Variants in NEK10 observed in about 807,000 individuals in gnomAD.
NEK10 encodes NIMA related kinase 10.
In NEK10, 122 loss-of-function variants were observed where a neutral mutation model predicts 159.8. The observed-to-expected ratio is 0.76, with a 90% CI of 0.66 to 0.89. The LOEUF is 0.89. Ranked by LOEUF, NEK10 falls within the 40% of genes least tolerant of loss-of-function variation. The pLI is 0.00. For synonymous variants in NEK10, 466 were observed against 457.1 expected, an observed-to-expected ratio of 1.02 and a Z score of -0.25; for missense variants, 1,342 against 1,323.1, an observed-to-expected ratio of 1.01 and a Z score of -0.22.
At chr3:27,282,368 C>A (rs1353029049) in intron 22 of NEK10, among the ~76,000 whole-genome samples, 5 of 151,224 alleles carry the variant, frequency 3.3e-5, no homozygotes, top group Non-Finnish European at 7.4e-5. Flanking sequence ...CAGGCTACTG[C>A]AATAAAAGAT....
intron 23 of NEK10, among the ~76,000 whole-genome samples, chr3:27,245,329 A>G (rs1235814508): frequency 1.3e-5 from 2 of 152,152 alleles, no homozygotes; most frequent in Non-Finnish European, 2.9e-5. Context: ...GCTTCCATCT[A>G]GAGATAAATG....
intron 23 of NEK10, among the ~76,000 whole-genome samples, chr3:27,222,744 CA>C (rs1271129285): frequency 7.0e-6 from 1 of 143,276 alleles, no homozygotes; most frequent in East Asian, 1.9e-4. Context: ...AAAATTGAAC[CA>C]GTATTAAAAT....
At chr3:27,367,823 C>A (rs915347155) in intron 1 of NEK10, among the ~76,000 whole-genome samples, 3 of 152,080 alleles carry the variant, frequency 2.0e-5, no homozygotes, top group African/African-American at 7.2e-5. Flanking sequence ...AAAGTCCATT[C>A]CAGGCAGTGT....
chr3:27,203,272 T>G (rs1305941856), intron 23 of NEK10, among the ~76,000 whole-genome samples: 1 of 152,106 alleles, frequency 6.6e-6, no homozygotes, highest in Non-Finnish European at 1.5e-5. Context: ...AGGTGTTAAT[T>G]TGGAAAAAAA....
intron 23 of NEK10, among the ~76,000 whole-genome samples, chr3:27,223,951 G>T (rs1952377191): frequency 6.6e-6 from 1 of 152,166 alleles, no homozygotes; most frequent in African/African-American, 2.4e-5. Flanking sequence ...GTTGGATTGT[G>T]TCCCCTGAAA....
chr3:27,154,887 C>G (rs1184914688), intron 30 of NEK10, among the ~76,000 whole-genome samples: 1 of 152,110 alleles, frequency 6.6e-6, no homozygotes, highest in African/African-American at 2.4e-5. Flanking sequence ...AGAACTGGAA[C>G]AAGACAAGGA....
At chr3:27,190,199 C>T (rs1432063633) in intron 26 of NEK10, among the ~76,000 whole-genome samples, 1 of 152,144 alleles carries the variant, frequency 6.6e-6, no homozygotes, top group Non-Finnish European at 1.5e-5. Flanking sequence ...GAGTATACAA[C>T]CTCTGGAACA....
At chr3:27,140,503 G>A (rs1031143745) in intron 31 of NEK10, among the ~76,000 whole-genome samples, 2 of 152,184 alleles carry the variant, frequency 1.3e-5, no homozygotes, top group African/African-American at 2.4e-5. Flanking sequence ...GATTCCTAGA[G>A]TCTTATCATG....
intron 26 of NEK10, among the ~76,000 whole-genome samples, chr3:27,179,019 C>T (rs1446053416): frequency 3.9e-5 from 6 of 152,178 alleles, no homozygotes; most frequent in African/African-American, 1.4e-4. Flanking sequence ...CATCCTGCCT[C>T]GGTCTTCTGA....
At chr3:27,278,287 T>C (rs1384450562) in intron 22 of NEK10, among the ~76,000 whole-genome samples, 1 of 152,216 alleles carries the variant, frequency 6.6e-6, no homozygotes, top group African/African-American at 2.4e-5. Flanking sequence ...TGTAACAGAA[T>C]TATAAGCTTC....
intron 23 of NEK10, among the ~76,000 whole-genome samples, chr3:27,222,429 AATGTAGTAAAAC>A (rs1215448963): frequency 2.0e-5 from 3 of 152,214 alleles, no homozygotes; most frequent in Non-Finnish European, 4.4e-5. Context: ...ATAAAGCCAT[AATGTAGTAAAAC>A]CTAGTATGCA....
chr3:27,238,810 C>G (rs1293677889), intron 23 of NEK10, among the ~76,000 whole-genome samples: 1 of 147,894 alleles, frequency 6.8e-6, no homozygotes, highest in South Asian at 2.1e-4. Context: ...AACGAAAGCA[C>G]AGATTTATGG....
intron 23 of NEK10, among the ~76,000 whole-genome samples, chr3:27,233,146 C>T (rs112687003): frequency 0.026 from 3,894 of 152,074 alleles, 168 homozygotes; most frequent in African/African-American, 0.089. Context: ...ATACATCCAA[C>T]AAAGGACTAG....
intron 23 of NEK10, among the ~76,000 whole-genome samples, chr3:27,203,645 G>C (rs1357575001): frequency 6.6e-6 from 1 of 152,100 alleles, no homozygotes; most frequent in Non-Finnish European, 1.5e-5. Flanking sequence ...TCTGGCCTCA[G>C]TACTCTAATG....
At chr3:27,363,899 C>T (rs992251617) in intron 1 of NEK10, 2 of 152,082 alleles carry the variant, frequency 1.3e-5, no homozygotes, top group African/African-American at 4.8e-5. Flanking sequence ...TTTCCACTTG[C>T]CCACTGAGTG....
chr3:27,264,799 C>T (rs116080095), intron 22 of NEK10, among the ~76,000 whole-genome samples: 11,609 of 152,044 alleles, frequency 0.076, 565 homozygotes, highest in Middle Eastern at 0.17. Context: ...GAGGCTGAGA[C>T]AGGGGAATCA....
intron 31 of NEK10, among the ~76,000 whole-genome samples, chr3:27,133,456 T>C (rs1335810264): frequency 6.6e-6 from 1 of 152,022 alleles, no homozygotes; most frequent in Non-Finnish European, 1.5e-5. Context: ...AACAGGAAAA[T>C]AATTCAATTG....
intron 22 of NEK10, among the ~76,000 whole-genome samples, chr3:27,274,587 C>T (rs1009950682): frequency 6.6e-6 from 1 of 152,148 alleles, no homozygotes; most frequent in East Asian, 1.9e-4. Flanking sequence ...GGCCAGACTC[C>T]TATAAGGATG....
At chr3:27,172,546 A>T (rs184241093) in intron 28 of NEK10, among the ~76,000 whole-genome samples, 2 of 152,148 alleles carry the variant, frequency 1.3e-5, no homozygotes, top group Non-Finnish European at 2.9e-5. Context: ...CAGACTAAGT[A>T]TCCCTCAGCA....
Sources: allele counts gnomAD v4.1 joint callset (sites outside exome capture counted in the v4.1 genomes callset), GRCh38; gene constraint gnomAD v4.1.1; transcripts MANE v1.5; gene names NCBI Gene and HGNC (gene_info 2026-07-23, HGNC 2026-07-21).